Variants in OCA2 observed in about 807,000 individuals in gnomAD.
OCA2 encodes P protein.
A neutral mutation model predicts 100.2 loss-of-function variants in OCA2; 77 were observed. That is an observed-to-expected ratio of 0.77 (90% CI 0.64 to 0.93). The LOEUF (loss-of-function observed/expected upper bound fraction) is 0.93, where lower values mean the gene tolerates loss of function less well. Among genes scored for constraint, OCA2 ranks in the 40% least tolerant of loss-of-function variants. OCA2 has a pLI of 0.00. For missense variants in OCA2, 1,062 were observed against 1,089.1 expected, an observed-to-expected ratio of 0.98 and a Z score of 0.35; for synonymous variants, 432 against 439.2, an observed-to-expected ratio of 0.98 and a Z score of 0.21.
At chr15:27,889,704 A>G (rs1333383797) in intron 19 of OCA2, among the ~76,000 whole-genome samples, 1 of 152,218 alleles carries the variant, frequency 6.6e-6, no homozygotes, top group Non-Finnish European at 1.5e-5. Context: ...AGCCTGTCAG[A>G]GCCAGGGAAT....
chr15:27,895,815 T>G (rs1353707203), intron 19 of OCA2: 1 of 460,254 alleles, frequency 2.2e-6, no homozygotes, highest in East Asian at 4.4e-5. Flanking sequence ...TGCTTGGTGA[T>G]ACAGGACAAA....
At chr15:27,958,498 G>A (rs192033261) in intron 15 of OCA2, among the ~76,000 whole-genome samples, 1 of 152,218 alleles carries the variant, frequency 6.6e-6, no homozygotes, top group East Asian at 1.9e-4. Flanking sequence ...CCTCCAACCA[G>A]GCGCCACTGA....
chr15:28,082,547 A>G (rs1351433040), intron 1 of OCA2, among the ~76,000 whole-genome samples: 1 of 152,246 alleles, frequency 6.6e-6, no homozygotes, highest in Non-Finnish European at 1.5e-5. Flanking sequence ...ATGTGTGCAC[A>G]GCATGAAATT....
intron 18 of OCA2, among the ~76,000 whole-genome samples, chr15:27,929,095 G>T (rs2039152137): frequency 2.0e-5 from 3 of 152,136 alleles, no homozygotes; most frequent in African/African-American, 7.2e-5. Context: ...TTTTTCCTAA[G>T]AATGTTTTGT....
At chr15:27,969,990 A>C (rs2040716677) in intron 14 of OCA2, among the ~76,000 whole-genome samples, 1 of 152,112 alleles carries the variant, frequency 6.6e-6, no homozygotes, top group Non-Finnish European at 1.5e-5. Flanking sequence ...ATTTGAAAAT[A>C]TAATCCTGTC....
chr15:27,762,971 G>A (rs951198828), intron 23 of OCA2, among the ~76,000 whole-genome samples: 2 of 152,156 alleles, frequency 1.3e-5, no homozygotes, highest in African/African-American at 2.4e-5. Flanking sequence ...CACAAATGAC[G>A]TGATTTCATT....
At chr15:27,735,070 C>T in the OCA2 span, among the ~76,000 whole-genome samples, 4 of 151,778 alleles carry the variant, frequency 2.6e-5, no homozygotes, top group African/African-American at 9.7e-5. Flanking sequence ...ACTAAGGAAG[C>T]TTTGTGAACT....
At chr15:28,000,560 T>A (rs1193348256) in intron 9 of OCA2, among the ~76,000 whole-genome samples, 1 of 152,164 alleles carries the variant, frequency 6.6e-6, no homozygotes, top group Non-Finnish European at 1.5e-5. Context: ...TGACAATGAT[T>A]TTTTGGATAT....
chr15:27,942,291 T>C (rs1313422767), intron 18 of OCA2, among the ~76,000 whole-genome samples: 1 of 150,086 alleles, frequency 6.7e-6, no homozygotes, highest in Non-Finnish European at 1.5e-5. Context: ...CATAGTTTAA[T>C]AGAAAACATA....
At chr15:27,748,309 T>A in the OCA2 span, among the ~76,000 whole-genome samples, 1 of 152,096 alleles carries the variant, frequency 6.6e-6, no homozygotes, top group Non-Finnish European at 1.5e-5. Context: ...TGCTCCATAG[T>A]TGGGGGAGAA....
intron 15 of OCA2, among the ~76,000 whole-genome samples, chr15:27,966,138 T>C (rs2040559002): frequency 6.6e-6 from 1 of 152,152 alleles, no homozygotes; most frequent in Non-Finnish European, 1.5e-5. Flanking sequence ...GCCCGGCTAA[T>C]TTCTGTATTT....
At chr15:27,893,449 GGT>G (rs1365870605) in intron 19 of OCA2, among the ~76,000 whole-genome samples, 1 of 152,078 alleles carries the variant, frequency 6.6e-6, no homozygotes, top group African/African-American at 2.4e-5. Flanking sequence ...CTGCCTGTGG[GGT>G]CAGGCAAAAA....
chr15:27,975,291 A>G (rs2040931151), intron 14 of OCA2, among the ~76,000 whole-genome samples: 1 of 152,144 alleles, frequency 6.6e-6, no homozygotes, highest in Non-Finnish European at 1.5e-5. Context: ...AAAAAGAAGA[A>G]AAAAAAATAA....
At chr15:27,927,237 C>T (rs145806537) in intron 18 of OCA2, among the ~76,000 whole-genome samples, 78 of 152,180 alleles carry the variant, frequency 5.1e-4, no homozygotes, top group African/African-American at 1.8e-3. Context: ...TGTGGTGAGC[C>T]GAGATCACGC....
chr15:27,845,134 A>G, intron 22 of OCA2, 82 bp from the exon 23 acceptor site: 1 of 1,006,520 alleles, frequency 9.9e-7, no homozygotes, highest in Non-Finnish European at 1.6e-6. Context: ...TATTTAGATC[A>G]TCTCACAGGC....
chr15:27,898,413 A>C (rs2037796828), intron 19 of OCA2, among the ~76,000 whole-genome samples: 2 of 152,192 alleles, frequency 1.3e-5, no homozygotes, highest in Admixed American at 6.5e-5. Flanking sequence ...GAATTTCAGA[A>C]TATCTGATGG....
chr15:27,724,268 G>T, the OCA2 span, among the ~76,000 whole-genome samples: 1 of 152,162 alleles, frequency 6.6e-6, no homozygotes, highest in Non-Finnish European at 1.5e-5. Context: ...CAGGGTGTCG[G>T]CAGAGGTGGT....
chr15:27,840,941 G>A (rs2035319265), intron 23 of OCA2, among the ~76,000 whole-genome samples: 1 of 152,118 alleles, frequency 6.6e-6, no homozygotes, highest in South Asian at 2.1e-4. Flanking sequence ...GACACATTGG[G>A]CCTCATTAAG....
At chr15:27,962,496 A>C (rs1472047056) in intron 15 of OCA2, among the ~76,000 whole-genome samples, 1 of 152,216 alleles carries the variant, frequency 6.6e-6, no homozygotes, top group Admixed American at 6.5e-5. Context: ...AGGGAAGCCT[A>C]GAGTAGTGAG....
Sources: gnomAD v4.1 joint callset for allele counts (sites outside exome capture counted in the v4.1 genomes callset) on GRCh38, gnomAD v4.1.1 for gene constraint, MANE v1.5 for transcripts, NCBI Gene and HGNC (gene_info 2026-07-23, HGNC 2026-07-21) for gene names.